Variants in DHX37 observed in about 807,000 individuals in gnomAD.
The protein encoded by DHX37 is probable ATP-dependent RNA helicase DHX37.
A neutral mutation model predicts 134.3 loss-of-function variants in DHX37; 52 were observed. That is an observed-to-expected ratio of 0.39 (90% confidence interval 0.31 to 0.49). The LOEUF is 0.49. Among genes scored for constraint, DHX37 ranks in the 20% least tolerant of loss-of-function variants. The pLI is 0.93. For missense variants in DHX37, 1,344 were observed against 1,580.8 expected (o/e 0.85, Z 2.54); for synonymous variants, 634 against 670.7 (o/e 0.95, Z 0.85).
intron 10 of DHX37, 133 bp from the exon 11 acceptor site, chr12:124,967,351 T>C (rs1330303156): frequency 3.1e-6 from 3 of 971,854 alleles, no homozygotes; most frequent in African/African-American, 1.7e-5. Context: ...TACACAGACA[T>C]AGATGAGCAG....
At chr12:124,962,564 G>A (rs1159238896) in intron 15 of DHX37, among the ~76,000 whole-genome samples, 1 of 152,234 alleles carries the variant, frequency 6.6e-6, no homozygotes, top group Non-Finnish European at 1.5e-5. Context: ...GCTGAGGCAG[G>A]AGAATTGCTG....
rs781694889 is a variant in DHX37 at position 124,969,002 on chromosome 12, A to T, written c.1192-34T>A. The T allele has an allele frequency of 1.1e-5, 17 of 1,599,468 alleles. No individual in the cohort carries two copies. In the East Asian group the frequency reaches 3.8e-4, roughly 36 times the overall value. On this transcript the variant is annotated intron_variant, in intron 8 of 26. Coordinates refer to ENST00000308736, the MANE Select transcript of DHX37 (RefSeq NM_032656.4). ...GGACAGGCTCAGTGACCGTGGCCCC[A>T]GGACCGCAGGTGGGTCTGAAGCCTG...
At chr12:124,984,301 G>T (rs966663207) in intron 2 of DHX37, among the ~76,000 whole-genome samples, 1 of 152,206 alleles carries the variant, frequency 6.6e-6, no homozygotes, top group Non-Finnish European at 1.5e-5. Flanking sequence ...GGGAGGCCGA[G>T]GCAGGTGGGT....
intron 20 of DHX37, chr12:124,952,817 G>A (rs148878947): frequency 1.8e-5 from 6 of 335,510 alleles, no homozygotes; most frequent in African/African-American, 1.1e-4. Flanking sequence ...AGCATTCTTC[G>A]AGGAGACAGC....
chr12:124,967,236 C>T lies in DHX37; in HGVS notation c.1409-18G>A. 2 of 1,611,846 alleles carry T rather than the reference C, an allele frequency of 1.2e-6. No individual in the cohort carries two copies. The highest frequency in any genetic ancestry group is 1.3e-5 in the African/African-American group (1 of 74,966). ...GATGCCACCTGTGGAAAGAATGGGC[C>T]CCTCTGTTATCCATCAGTCACTCAC... On this transcript the variant is annotated intron_variant, in intron 10 of 26. Transcript: ENST00000308736.
chr12:124,972,732 C>A, intron 6 of DHX37, 133 bp from the exon 7 acceptor site: 1 of 761,812 alleles, frequency 1.3e-6, no homozygotes, highest in South Asian at 1.5e-5. Flanking sequence ...GAAACAAGTC[C>A]CAGACATCTC....
At chr12:124,987,699 C>G (rs73417974) in intron 1 of DHX37, among the ~76,000 whole-genome samples, 7,779 of 152,252 alleles carry the variant, frequency 0.051, 507 homozygotes, top group East Asian at 0.17. Flanking sequence ...ACGGCTACTA[C>G]AGGTTAAATA....
chr12:124,951,978 GA>G (rs1477235874), intron 21 of DHX37, among the ~76,000 whole-genome samples: 2 of 151,902 alleles, frequency 1.3e-5, no homozygotes, highest in Non-Finnish European at 2.9e-5. Context: ...TCTCAAAAAA[GA>G]AAACAACAAC....
At chr12:124,974,508 G>A (rs1340223293) in intron 6 of DHX37, among the ~76,000 whole-genome samples, 1 of 150,116 alleles carries the variant, frequency 6.7e-6, no homozygotes, top group Non-Finnish European at 1.5e-5. Flanking sequence ...CCGGGGGCCG[G>A]TGGCTCTGTC....
chr12:124,964,797 A>C, intron 14 of DHX37, 133 bp downstream of exon 14: 2 of 1,429,390 alleles, frequency 1.4e-6, no homozygotes, highest in Non-Finnish European at 1.9e-6. Flanking sequence ...CTCCAAAACT[A>C]CCCCAATATT....
intron 15 of DHX37, among the ~76,000 whole-genome samples, chr12:124,963,335 A>C (rs1954306190): frequency 6.6e-6 from 1 of 152,088 alleles, no homozygotes; most frequent in South Asian, 2.1e-4. Context: ...TAGTGGACTG[A>C]TGCTTGCCAC....
intron 5 of DHX37, 86 bp from the exon 6 acceptor site, chr12:124,975,597 C>G: frequency 7.0e-7 from 1 of 1,428,704 alleles, no homozygotes; most frequent in Admixed American, 1.8e-5. Context: ...GCAAGATTTG[C>G]CATACTGACC....
At chr12:124,967,941 CGACCAGTGTGG>C (rs901387512) in intron 10 of DHX37, among the ~76,000 whole-genome samples, 81 of 152,022 alleles carry the variant, frequency 5.3e-4, no homozygotes, top group African/African-American at 1.8e-3. Flanking sequence ...TGGCAGTGTG[CGACCAGTGTGG>C]GACCTGTAAT....
At chr12:124,971,967 C>T (rs1016162171) in intron 7 of DHX37, among the ~76,000 whole-genome samples, 10 of 152,222 alleles carry the variant, frequency 6.6e-5, no homozygotes, top group Admixed American at 4.6e-4. Flanking sequence ...GTCCTTGGGA[C>T]GCAGCTTCTG....
intron 16 of DHX37, among the ~76,000 whole-genome samples, chr12:124,958,967 C>T (rs112386332): frequency 0.035 from 5,109 of 145,066 alleles, 328 homozygotes; most frequent in African/African-American, 0.13. Context: ...TGGAGTGCAA[C>T]GGCATGATCT....
rs1380851284 is a variant in DHX37, at chr12:124,957,055, G to A, written c.2238C>T (p.Ala746=). The change falls in exon 17 of 27, where the codon GCC becomes GCT. Residue 746 remains alanine (A), a synonymous_variant. Coordinates refer to ENST00000308736, the MANE Select transcript of DHX37 (RefSeq NM_032656.4). ...TTTCTGCTTTCTGGGGCGGTTGCAG[G>A]GCACCCAGTGCGATCAACAGCTCCT... The part of the protein sequence containing the change: ...AAEELLIALG[A]LQPPQKAERV... 2 of 1,513,152 alleles carry A rather than the reference G, an allele frequency of 1.3e-6. No homozygotes were observed. The highest frequency in any genetic ancestry group is 1.8e-6 in the Non-Finnish European group (2 of 1,135,098). 93.7% of individuals were successfully genotyped at this position (1,513,152 alleles called of 1,614,324 possible). A position where few individuals can be genotyped will look rare whatever the true frequency, so the allele number is the denominator to read the frequency against.
intron 15 of DHX37, among the ~76,000 whole-genome samples, chr12:124,961,490 A>C (rs1369097138): frequency 6.6e-6 from 1 of 152,170 alleles, no homozygotes; most frequent in East Asian, 1.9e-4. Flanking sequence ...GTGCAGGGGC[A>C]TGATCTTGGC....
intron 5 of DHX37, 94 bp downstream of exon 5, chr12:124,977,248 A>C: frequency 1.4e-6 from 2 of 1,417,246 alleles, no homozygotes; most frequent in South Asian, 3.3e-5. Flanking sequence ...CAGATCCAGG[A>C]TTGGATCCTG....
At chr12:124,961,268 ACGCGTG>A (rs1954252049) in intron 15 of DHX37, among the ~76,000 whole-genome samples, 1 of 100,274 alleles carries the variant, frequency 1.0e-5, no homozygotes, top group Non-Finnish European at 2.1e-5. Context: ...ACACACATAC[ACGCGTG>A]CACGCACACA....
Sources: allele counts gnomAD v4.1 joint callset (sites outside exome capture counted in the v4.1 genomes callset), GRCh38; gene constraint gnomAD v4.1.1; transcripts MANE v1.5; gene names NCBI Gene and HGNC (gene_info 2026-07-23, HGNC 2026-07-21).